Variants in KAZN observed in about 807,000 individuals in gnomAD.
KAZN encodes the protein kazrin, periplakin interacting protein.
Under a neutral mutation model 87.4 loss-of-function variants are expected in KAZN, and 40 were observed. The observed-to-expected ratio is 0.46, with a 90% CI of 0.36 to 0.60. The LOEUF is 0.60. Ranked by LOEUF, KAZN falls within the 20% of genes least tolerant of loss-of-function variation. The pLI, the probability that KAZN is intolerant of heterozygous loss-of-function variation, is 0.00. For missense variants in KAZN, 898 were observed against 1,073.9 expected (o/e 0.84, Z 2.29); for synonymous variants, 466 against 458.3 (o/e 1.02, Z -0.22).
intron 1 of KAZN, among the ~76,000 whole-genome samples, chr1:14,067,357 G>A (rs1643050714): frequency 6.6e-6 from 1 of 152,206 alleles, no homozygotes; most frequent in Non-Finnish European, 1.5e-5. Context: ...GAAGAGAGAT[G>A]AGAGATGTTT....
intron 8 of KAZN, among the ~76,000 whole-genome samples, chr1:15,083,110 G>A (rs539054718): frequency 3.5e-4 from 54 of 152,252 alleles, no homozygotes; most frequent in African/African-American, 1.2e-3. Context: ...GGAGGCCCAG[G>A]TGACCCCATT....
intron 1 of KAZN, among the ~76,000 whole-genome samples, chr1:14,703,500 C>T (rs1198391033): frequency 6.6e-6 from 1 of 152,238 alleles, no homozygotes; most frequent in Non-Finnish European, 1.5e-5. Context: ...TCCCCTTCTG[C>T]CATGATTGTC....
At chr1:14,924,362 G>A in intron 1 of KAZN, 3 of 988,994 alleles carry the variant, frequency 3.0e-6, no homozygotes, top group Non-Finnish European at 3.6e-6. Context: ...CCGGGCACCC[G>A]GCATGCGGGC....
chr1:14,757,400 G>T (rs541417578), intron 1 of KAZN, among the ~76,000 whole-genome samples: 1 of 152,280 alleles, frequency 6.6e-6, no homozygotes, highest in Admixed American at 6.5e-5. Context: ...AAGAACAAAG[G>T]AATTACAATC....
intron 2 of KAZN, among the ~76,000 whole-genome samples, chr1:14,189,155 C>A (rs1646373667): frequency 6.6e-6 from 1 of 152,118 alleles, no homozygotes. Context: ...GTAAATCACA[C>A]TTAAAAGTAG....
At chr1:15,052,329 C>A (rs755714708) in intron 4 of KAZN, among the ~76,000 whole-genome samples, 3 of 152,038 alleles carry the variant, frequency 2.0e-5, no homozygotes, top group African/African-American at 7.2e-5. Flanking sequence ...TGGTGGCAGG[C>A]GAGAGAGCAT....
At chr1:13,990,133 A>G (rs1195106467) in intron 1 of KAZN, among the ~76,000 whole-genome samples, 2 of 152,218 alleles carry the variant, frequency 1.3e-5, no homozygotes, top group African/African-American at 4.8e-5. Flanking sequence ...TATAAAACCA[A>G]GCACACATCT....
chr1:14,264,281 C>G (rs2100660537), intron 2 of KAZN, among the ~76,000 whole-genome samples: 1 of 152,232 alleles, frequency 6.6e-6, no homozygotes, highest in Non-Finnish European at 1.5e-5. Flanking sequence ...TCTTTGGTGA[C>G]TGTCAGCCAG....
At chr1:14,737,200 G>A (rs569650346) in intron 1 of KAZN, among the ~76,000 whole-genome samples, 3 of 131,082 alleles carry the variant, frequency 2.3e-5, no homozygotes, top group East Asian at 2.3e-4. Context: ...GGGAAGGCAC[G>A]CACGGAGACC....
chr1:15,057,392 C>A (rs531156509), intron 5 of KAZN, among the ~76,000 whole-genome samples: 1 of 152,154 alleles, frequency 6.6e-6, no homozygotes, highest in Non-Finnish European at 1.5e-5. Flanking sequence ...TGTAAAACTG[C>A]GGGAATGGGG....
chr1:13,937,051 GTTT>G (rs70984302), intron 1 of KAZN, among the ~76,000 whole-genome samples: 1 of 134,748 alleles, frequency 7.4e-6, no homozygotes. Flanking sequence ...TTTTTCTTTT[GTTT>G]TTTTTTTTTT....
rs1031901402 is a variant in KAZN at position 14,996,188 on chromosome 1, C to T, written c.418+35313C>T. On this transcript the variant is annotated intron_variant, in intron 2 of 14. Coordinates refer to ENST00000376030, the MANE Select transcript of KAZN (RefSeq NM_201628.3). This position sits in a 1 kb window ranked among gnomAD's most constrained non-coding sequence, Gnocchi z 5.9. ...TTCTGGGTCTTGGCTCTTCATGCCC[C>T]GCCCACTCCACCCCCAGTGCCTGGC... is the stretch of plus-strand genomic sequence containing the variant. 5.3e-5 allele frequency among the ~76,000 whole-genome samples: 8 copies of T among 152,142 alleles called. No individual in the cohort carries two copies. The East Asian group carries it at 5.8e-4, about 11-fold the overall frequency.
In KAZN at chr1:14,599,300, G is replaced by A; in HGVS notation, c.226+77G>A. 1 of 1,264,792 alleles carries A rather than the reference G, an allele frequency of 7.9e-7. No homozygotes were observed. The allele number at this position is 1,264,792 out of a possible 1,614,324, so 78.3% of individuals were successfully genotyped here. A position where few individuals can be genotyped will look rare whatever the true frequency, so the allele number is the denominator to read the frequency against. On this transcript the variant is annotated intron_variant, in intron 1 of 14. Transcript: ENST00000376030. This position sits in a 1 kb window ranked among gnomAD's most constrained non-coding sequence, Gnocchi z 4.4. ...GCCTCGGAGGTGGCCGGGGACCCGG[G>A]GTCCCCCACACCCGGGGCGAAATCG... is the stretch of plus-strand genomic sequence containing the variant.
At chr1:14,924,801 A>G (rs1489334698) in intron 1 of KAZN, among the ~76,000 whole-genome samples, 1 of 152,066 alleles carries the variant, frequency 6.6e-6, no homozygotes, top group Non-Finnish European at 1.5e-5. Flanking sequence ...CCGGGGGGCC[A>G]GGACCGCGCT....
intron 1 of KAZN, among the ~76,000 whole-genome samples, chr1:14,652,754 C>T (rs1194738100): frequency 1.3e-5 from 2 of 148,252 alleles, no homozygotes; most frequent in African/African-American, 2.5e-5. Flanking sequence ...TCCATTCATC[C>T]ACCCATCCAC....
At chr1:14,416,388 C>T (rs1200668242) in intron 2 of KAZN, among the ~76,000 whole-genome samples, 1 of 152,110 alleles carries the variant, frequency 6.6e-6, no homozygotes, top group African/African-American at 2.4e-5. Flanking sequence ...TGGGTTTCTG[C>T]AAAGTGACAT....
At position 15,081,087 on chromosome 1, in the gene KAZN, C is replaced by A. The variant is rs80029630; in HGVS notation, c.1223-13093C>A. 2.0e-5 allele frequency among the ~76,000 whole-genome samples: 3 copies of A among 152,328 alleles called. No individual in the cohort carries two copies. Among genetic ancestry groups the A allele is most frequent in the African/African-American group, 7.2e-5 (3 of 41,586 alleles). On this transcript the variant is annotated intron_variant, in intron 8 of 14. Transcript: ENST00000376030. The surrounding 1 kb of genome is among the most constrained non-coding windows in gnomAD (Gnocchi z 4.1). The stretch of plus-strand genomic sequence containing the variant: ...CTGCTGTGGCTGGAAGAGGCGTGGA[C>A]GAGGCGGGGTTGGCAGAAGATGAGA...
intron 1 of KAZN, among the ~76,000 whole-genome samples, chr1:14,056,321 T>C (rs1642553526): frequency 6.6e-6 from 1 of 152,148 alleles, no homozygotes; most frequent in African/African-American, 2.4e-5. Flanking sequence ...ATCACAAGGG[T>C]TCTTCCATGA....
At chr1:14,057,138 T>C (rs963455284) in intron 1 of KAZN, among the ~76,000 whole-genome samples, 4 of 151,722 alleles carry the variant, frequency 2.6e-5, no homozygotes, top group Admixed American at 2.6e-4. Context: ...TTTTGTTTGT[T>C]TGTTTTTTTT....
Sources: gnomAD v4.1 joint callset for allele counts (sites outside exome capture counted in the v4.1 genomes callset) on GRCh38, gnomAD v4.1.1 for gene constraint, Gnocchi (gnomAD v3.1) non-coding constraint, MANE v1.5 for transcripts, NCBI Gene and HGNC (gene_info 2026-07-23, HGNC 2026-07-21) for gene names.